The following ERBB4 variants were observed in gnomAD, a reference collection of about 807,000 sequenced individuals.
ERBB4 encodes the protein receptor tyrosine-protein kinase erbB-4.
Under a neutral mutation model 158.0 loss-of-function variants are expected in ERBB4, and 42 were observed. The observed-to-expected ratio is 0.27, with a 90% CI of 0.21 to 0.34. The LOEUF (loss-of-function observed/expected upper bound fraction) is 0.34, where lower values mean the gene tolerates loss of function less well. Among genes scored for constraint, ERBB4 ranks in the 10% least tolerant of loss-of-function variants. The pLI, the probability that ERBB4 is intolerant of heterozygous loss-of-function variation, is 1.00. For synonymous variants in ERBB4, 583 were observed against 558.7 expected, an observed-to-expected ratio of 1.04 and a Z score of -0.61; for missense variants, 1,333 against 1,624.1, an observed-to-expected ratio of 0.82 and a Z score of 3.08.
At position 211,955,773 on chromosome 2, in the gene ERBB4, A is replaced by G. The variant is rs76993210; in HGVS notation, c.235-8157T>C. On this transcript the variant is annotated intron_variant, in intron 2 of 27. Transcript: ENST00000342788. Reference sequence around the variant, plus strand: ...GTTTCTGCATAATACTTACTTGTCCATCTATAAATTCTGCCTGTTCACATT... The same window carrying G: ...GTTTCTGCATAATACTTACTTGTCCGTCTATAAATTCTGCCTGTTCACATT... Among the ~76,000 whole-genome samples, 99 of 152,262 alleles carry G rather than the reference A, an allele frequency of 6.5e-4. 1 individual carries two copies. The highest frequency in any genetic ancestry group is 1.8e-3 in the African/African-American group (75 of 41,576).
intron 20 of ERBB4, among the ~76,000 whole-genome samples, chr2:211,441,988 A>G (rs2063988984): frequency 6.6e-6 from 1 of 151,916 alleles, no homozygotes; most frequent in African/African-American, 2.4e-5. Context: ...ATTTGCCATC[A>G]TTTCCTCATT....
intron 3 of ERBB4, among the ~76,000 whole-genome samples, chr2:211,789,990 GA>G (rs200786296): frequency 2.7e-5 from 4 of 149,810 alleles, no homozygotes; most frequent in South Asian, 2.1e-4. Flanking sequence ...TGTCGGTGAG[GA>G]AAAAAAAAGA....
At chr2:211,871,387 T>A (rs1481202771) in intron 3 of ERBB4, among the ~76,000 whole-genome samples, 3 of 152,316 alleles carry the variant, frequency 2.0e-5, no homozygotes, top group African/African-American at 7.2e-5. Context: ...GGGGCCATTT[T>A]TTCTGGTAGT....
Position 211,386,930 on chromosome 2 carries a change from A to C in ERBB4, c.3404T>G (p.Phe1135Cys), listed in dbSNP as rs2125318578. Reference sequence around the variant, plus strand: ...TCCTCGTGGGCTCCGTTCTGGGGCAAACACGGTGGGGTCAGCACTGTACCT... The same window carrying C: ...TCCTCGTGGGCTCCGTTCTGGGGCACACACGGTGGGGTCAGCACTGTACCT... ...TQRYSADPTV[F>C]APERSPRGEL... Residue 1135 changes from phenylalanine (F) to cysteine (C), a missense_variant, in exon 27 of 28, where the codon TTT (phenylalanine) becomes TGT (cysteine). Phe to Cys is a radical substitution (Grantham distance 205). Coordinates refer to ENST00000342788, the MANE Select transcript of ERBB4 (RefSeq NM_005235.3). 6.2e-7 allele frequency: 1 copy of C among 1,614,150 alleles called. No individual in the cohort carries two copies. The highest frequency in any genetic ancestry group is 1.1e-5 in the South Asian group (1 of 91,084).
chr2:211,971,448 T>C (rs1002453683), intron 2 of ERBB4, among the ~76,000 whole-genome samples: 5 of 152,142 alleles, frequency 3.3e-5, no homozygotes, highest in Admixed American at 6.5e-5. Flanking sequence ...CAGGACCAGA[T>C]GGATTCACAG....
intron 20 of ERBB4, among the ~76,000 whole-genome samples, chr2:211,503,337 C>T (rs2065663695): frequency 6.6e-6 from 1 of 152,094 alleles, no homozygotes; most frequent in Admixed American, 6.5e-5. Flanking sequence ...ACTGAGCTGG[C>T]CACATTCACA....
chr2:211,872,096 T>C (rs76985510), intron 3 of ERBB4, among the ~76,000 whole-genome samples: 2,224 of 151,846 alleles, frequency 0.015, 64 homozygotes, highest in African/African-American at 0.052. Flanking sequence ...GAATTATTAA[T>C]TTTCTAGACC....
intron 3 of ERBB4, among the ~76,000 whole-genome samples, chr2:211,796,254 C>T (rs775545266): frequency 2.6e-5 from 4 of 151,842 alleles, no homozygotes; most frequent in African/African-American, 4.8e-5. Flanking sequence ...TCATACCATA[C>T]GTATTCTCTT....
Position 212,380,377 on chromosome 2 carries a change from A to C in ERBB4, c.82+158072T>G, listed in dbSNP as rs537073336. Among the ~76,000 whole-genome samples the C allele has an allele frequency of 5.3e-5, 8 of 151,350 alleles. No individual in the cohort carries two copies. The South Asian group carries it at 1.7e-3, about 31-fold the overall frequency. On this transcript the variant is annotated intron_variant, in intron 1 of 27. Transcript: ENST00000342788. Reference sequence around the variant, plus strand: ...GTATATGGGAAGATGTGCATAGGTTATATGCAAATACTACCATTTTATACC... The same window carrying C: ...GTATATGGGAAGATGTGCATAGGTTCTATGCAAATACTACCATTTTATACC...
chr2:211,804,357 G>A (rs1459932308), intron 3 of ERBB4, among the ~76,000 whole-genome samples: 1 of 152,178 alleles, frequency 6.6e-6, no homozygotes, highest in Non-Finnish European at 1.5e-5. Context: ...CTATATACTT[G>A]ATCCTTGGGA....
chr2:212,017,348 A>G (rs983702883), intron 2 of ERBB4, among the ~76,000 whole-genome samples: 1 of 152,216 alleles, frequency 6.6e-6, no homozygotes, highest in Admixed American at 6.5e-5. Flanking sequence ...GAGACACACA[A>G]CTCTATTTCA....
chr2:211,550,574 A>AATATATATATAT (rs376362405), intron 20 of ERBB4, among the ~76,000 whole-genome samples: 1,482 of 136,830 alleles, frequency 0.011, 23 homozygotes, highest in East Asian at 0.059. Flanking sequence ...CATTCCTTAG[A>AATATATATATAT]ATATATATAT....
chr2:211,874,941 GAC>G (rs1037833330), intron 3 of ERBB4, among the ~76,000 whole-genome samples: 6 of 137,246 alleles, frequency 4.4e-5, no homozygotes, highest in Admixed American at 2.5e-4. Context: ...GTTTGTCAAA[GAC>G]ACACAATATG....
At chr2:212,316,844 GTC>G (rs543661371) in intron 1 of ERBB4, among the ~76,000 whole-genome samples, 128 of 151,556 alleles carry the variant, frequency 8.4e-4, no homozygotes, top group African/African-American at 3.0e-3. Context: ...TGAGAATTAT[GTC>G]TGTTTCAATA....
intron 16 of ERBB4, among the ~76,000 whole-genome samples, chr2:211,631,907 T>G (rs2070148091): frequency 6.6e-6 from 1 of 152,034 alleles, no homozygotes; most frequent in African/African-American, 2.4e-5. Context: ...ATACTTTCTC[T>G]TGCTAAATAA....
At chr2:212,353,304 A>T (rs1200355291) in intron 1 of ERBB4, among the ~76,000 whole-genome samples, 1 of 151,398 alleles carries the variant, frequency 6.6e-6, no homozygotes, top group Admixed American at 6.6e-5. Flanking sequence ...ACAAATTATT[A>T]TAAAAGATAT....
chr2:211,711,380 A>T (rs2073695791), intron 9 of ERBB4, among the ~76,000 whole-genome samples: 1 of 152,224 alleles, frequency 6.6e-6, no homozygotes, highest in African/African-American at 2.4e-5. Context: ...ATAGACAAAT[A>T]GATAACATAC....
At chr2:212,104,757 T>C (rs1168426329) in intron 2 of ERBB4, among the ~76,000 whole-genome samples, 6 of 152,168 alleles carry the variant, frequency 3.9e-5, no homozygotes, top group Non-Finnish European at 1.5e-5. Context: ...GATATTGCGA[T>C]TGTTTAAAAG....
chr2:212,254,293 C>A (rs983945569), intron 1 of ERBB4, among the ~76,000 whole-genome samples: 5 of 152,142 alleles, frequency 3.3e-5, no homozygotes, highest in African/African-American at 1.2e-4. Context: ...TTCATACCAG[C>A]CCACTCACTA....
Sources: gnomAD v4.1 joint callset for allele counts (sites outside exome capture counted in the v4.1 genomes callset) on GRCh38, gnomAD v4.1.1 for gene constraint, MANE v1.5 for transcripts, NCBI Gene and HGNC (gene_info 2026-07-23, HGNC 2026-07-21) for gene names.